The following BCL7C variants were observed in gnomAD, a reference collection of about 807,000 sequenced individuals.
The protein encoded by BCL7C is BAF chromatin remodeling complex subunit BCL7C.
BCL7C carries 8 observed loss-of-function variants against 26.2 expected under a neutral mutation model. The observed-to-expected ratio is 0.30, with a 90% CI of 0.18 to 0.55. The LOEUF (loss-of-function observed/expected upper bound fraction) is 0.55, where lower values mean the gene tolerates loss of function less well. BCL7C is among the 20% of genes least tolerant of loss of function. The probability of loss-of-function intolerance (pLI) is 0.93; values close to 1 mark genes in which losing one functional copy is unlikely to be tolerated. For missense variants in BCL7C, 262 were observed against 298.5 expected (o/e 0.88, Z 0.90); for synonymous variants, 90 against 116.5 (o/e 0.77, Z 1.47).
chr16:30,861,295 A>AT (rs1429542705), intron 5 of BCL7C, among the ~76,000 whole-genome samples: 1 of 152,182 alleles, frequency 6.6e-6, no homozygotes, highest in Non-Finnish European at 1.5e-5. Flanking sequence ...AAGTAGCAAC[A>AT]TATTTCTGAG....
intron 5 of BCL7C, among the ~76,000 whole-genome samples, chr16:30,838,275 A>C (rs2054581199): frequency 6.6e-6 from 1 of 152,220 alleles, no homozygotes; most frequent in South Asian, 2.1e-4. Context: ...ATCCCTACCC[A>C]AAAGGAATGT....
At chr16:30,869,596 G>C (rs2054865629) in intron 5 of BCL7C, among the ~76,000 whole-genome samples, 1 of 150,486 alleles carries the variant, frequency 6.6e-6, no homozygotes, top group South Asian at 2.1e-4. Context: ...CTGTAGCCTT[G>C]AAACTCCTGG....
intron 5 of BCL7C, chr16:30,851,932 AT>A: frequency 5.6e-6 from 1 of 179,950 alleles, no homozygotes. Flanking sequence ...CAAAATGACG[AT>A]TTTTTTAATT....
chr16:30,851,770 T>G, intron 5 of BCL7C: 1 of 451,426 alleles, frequency 2.2e-6, no homozygotes, highest in Non-Finnish European at 4.1e-6. Flanking sequence ...GGTGCAAGGT[T>G]GGCTTTGGGA....
In BCL7C at chr16:30,849,118, C is replaced by T. The variant is rs1331773774; in HGVS notation, c.529-13970G>A. ...AGAAGAATGGTGTGAACCCAGGAGG[C>T]GGAGTTTTCAGTGAGCCGAGATTGA... On this transcript the variant is annotated intron_variant, in intron 5 of 5. Coordinates refer to the BCL7C transcript ENST00000380317. Among the ~76,000 whole-genome samples, 13 of 150,622 alleles carry T rather than the reference C, an allele frequency of 8.6e-5. No individual in the cohort carries two copies. In the East Asian group the frequency reaches 2.3e-3, roughly 27 times the overall value.
chr16:30,854,107 C>A (rs1318979291), intron 5 of BCL7C, among the ~76,000 whole-genome samples: 1 of 152,116 alleles, frequency 6.6e-6, no homozygotes, highest in African/African-American at 2.4e-5. Context: ...GGGCAAAGGT[C>A]TCCTCAGGTA....
chr16:30,846,382 C>T (rs1439102248), intron 5 of BCL7C, among the ~76,000 whole-genome samples: 2 of 151,478 alleles, frequency 1.3e-5, no homozygotes, highest in South Asian at 2.1e-4. Context: ...CCCACCAACA[C>T]GCCCGGCTAA....
intron 5 of BCL7C, among the ~76,000 whole-genome samples, chr16:30,878,840 C>T (rs577719459): frequency 3.4e-5 from 5 of 147,816 alleles, no homozygotes; most frequent in Admixed American, 2.7e-4. Flanking sequence ...GAGACTCCGT[C>T]TCAAAAAAAA....
At chr16:30,846,848 C>T in intron 5 of BCL7C, among the ~76,000 whole-genome samples, 1 of 152,228 alleles carries the variant, frequency 6.6e-6, no homozygotes, top group East Asian at 1.9e-4. Flanking sequence ...CCATGGCCTG[C>T]AGTAGCATTC....
At chr16:30,873,998 CT>C (rs761712229) in intron 5 of BCL7C, among the ~76,000 whole-genome samples, 249 of 108,632 alleles carry the variant, frequency 2.3e-3, no homozygotes, top group African/African-American at 2.6e-3. Flanking sequence ...GGTGTCAAAC[CT>C]TTTTTTTTTT....
chr16:30,888,224 C>T (rs548903426), intron 5 of BCL7C, among the ~76,000 whole-genome samples: 5 of 152,226 alleles, frequency 3.3e-5, no homozygotes, highest in South Asian at 2.1e-4. Flanking sequence ...GAGGTAGCCT[C>T]GTGAGAAATG....
intron 5 of BCL7C, among the ~76,000 whole-genome samples, chr16:30,879,504 C>T (rs2055005839): frequency 6.6e-6 from 1 of 151,776 alleles, no homozygotes; most frequent in African/African-American, 2.4e-5. Flanking sequence ...AAAAGAGTTA[C>T]ATACTGCTTA....
chr16:30,881,296 T>A (rs983589659), intron 5 of BCL7C, among the ~76,000 whole-genome samples: 2 of 151,938 alleles, frequency 1.3e-5, no homozygotes, highest in African/African-American at 4.8e-5. Context: ...TTTGGGAGGC[T>A]GAGGCAGGAA....
intron 4 of BCL7C, 120 bp downstream of exon 4, chr16:30,892,465 CG>C (rs1356821129): frequency 2.1e-6 from 2 of 934,598 alleles, no homozygotes; most frequent in Non-Finnish European, 3.1e-6. Flanking sequence ...CTGCAGGAGT[CG>C]GAAGGCGCCT....
At chr16:30,865,290 T>C (rs2054815833) in intron 5 of BCL7C, among the ~76,000 whole-genome samples, 1 of 151,780 alleles carries the variant, frequency 6.6e-6, no homozygotes, top group Non-Finnish European at 1.5e-5. Context: ...CTTTGCTGAC[T>C]CCTCTTTCGG....
At chr16:30,845,998 C>T (rs948035657) in intron 5 of BCL7C, among the ~76,000 whole-genome samples, 4 of 149,386 alleles carry the variant, frequency 2.7e-5, no homozygotes, top group South Asian at 4.4e-4. Flanking sequence ...CCAGCTACTC[C>T]GGAGGCTGAG....
intron 5 of BCL7C, among the ~76,000 whole-genome samples, chr16:30,857,989 A>G (rs1049016092): frequency 9.7e-5 from 14 of 144,394 alleles, no homozygotes; most frequent in African/African-American, 3.6e-4. Flanking sequence ...AAAAAAAAAA[A>G]GAAAGAAAGA....
At chr16:30,870,720 TATAG>T (rs1490890205) in intron 5 of BCL7C, among the ~76,000 whole-genome samples, 1 of 152,112 alleles carries the variant, frequency 6.6e-6, no homozygotes, top group Non-Finnish European at 1.5e-5. Flanking sequence ...AAAGAGATTT[TATAG>T]ATAAAGTAGA....
intron 5 of BCL7C, among the ~76,000 whole-genome samples, chr16:30,850,503 C>T (rs2054666701): frequency 6.6e-6 from 1 of 152,152 alleles, no homozygotes; most frequent in South Asian, 2.1e-4. Flanking sequence ...ATGGTATAAC[C>T]TGCTACTACA....
Sources: gnomAD v4.1 joint callset for allele counts (sites outside exome capture counted in the v4.1 genomes callset) on GRCh38, gnomAD v4.1.1 for gene constraint, MANE v1.5 for transcripts, NCBI Gene and HGNC (gene_info 2026-07-23, HGNC 2026-07-21) for gene names.